TMEM68: variants seen among roughly 807,000 people sequenced by gnomAD.
TMEM68 encodes DGAT1/2-independent enzyme synthesizing storage lipids.
A neutral mutation model predicts 36.9 loss-of-function variants in TMEM68; 25 were observed. The observed-to-expected ratio is 0.68, with a 90% CI of 0.49 to 0.95. TMEM68 has a LOEUF of 0.95. Among genes scored for constraint, TMEM68 ranks in the 40% least tolerant of loss-of-function variants. The probability of loss-of-function intolerance (pLI) is 0.00; values close to 1 mark genes in which losing one functional copy is unlikely to be tolerated. For missense variants in TMEM68, 333 were observed against 392.0 expected, an observed-to-expected ratio of 0.85 and a Z score of 1.27; for synonymous variants, 131 against 124.4, an observed-to-expected ratio of 1.05 and a Z score of -0.35.
intron 1 of TMEM68, among the ~76,000 whole-genome samples, chr8:55,766,509 T>C (rs1222569177): frequency 1.3e-5 from 2 of 151,872 alleles, no homozygotes; most frequent in Middle Eastern, 3.2e-3. Flanking sequence ...CCCGAGTAGT[T>C]GGGACTAAAG....
At chr8:55,770,058 T>C (rs189362394) in intron 1 of TMEM68, among the ~76,000 whole-genome samples, 5 of 152,348 alleles carry the variant, frequency 3.3e-5, no homozygotes, top group Non-Finnish European at 7.4e-5. Flanking sequence ...CTTTTGATAA[T>C]ATGACAAAGT....
chr8:55,747,384 A>G (rs1480619581), intron 5 of TMEM68: 1 of 152,258 alleles, frequency 6.6e-6, no homozygotes, highest in East Asian at 1.9e-4. Context: ...AGTAAAAAAG[A>G]GCAGTCAAAT....
intron 5 of TMEM68, 35 bp downstream of exon 5, chr8:55,750,929 A>G: frequency 6.3e-7 from 1 of 1,576,356 alleles, no homozygotes; most frequent in Non-Finnish European, 8.6e-7. Flanking sequence ...AATTTGACTA[A>G]GCTTTACTTC....
chr8:55,743,674 A>T, intron 6 of TMEM68, 54 bp from the exon 7 acceptor site: 4 of 1,458,636 alleles, frequency 2.7e-6, no homozygotes, highest in Non-Finnish European at 3.6e-6. Flanking sequence ...TGACCATGTA[A>T]CTGTAAACTT....
At chr8:55,767,352 T>C (rs964012449) in intron 1 of TMEM68, among the ~76,000 whole-genome samples, 2 of 152,186 alleles carry the variant, frequency 1.3e-5, no homozygotes, top group Admixed American at 1.3e-4. Flanking sequence ...GCTATCATCA[T>C]TATTATTCGC....
chr8:55,772,806 C>G (rs1278935994), intron 1 of TMEM68, among the ~76,000 whole-genome samples: 1 of 152,138 alleles, frequency 6.6e-6, no homozygotes, highest in African/African-American at 2.4e-5. Flanking sequence ...TCTACCCACG[C>G]GGCTTTCCCC....
At chr8:55,766,501 C>A (rs1020470662) in intron 1 of TMEM68, among the ~76,000 whole-genome samples, 14 of 151,818 alleles carry the variant, frequency 9.2e-5, no homozygotes, top group African/African-American at 3.1e-4. Flanking sequence ...CTCAGCCTCC[C>A]GAGTAGTTGG....
chr8:55,771,093 G>A (rs1262309910), intron 1 of TMEM68, among the ~76,000 whole-genome samples: 1 of 151,610 alleles, frequency 6.6e-6, no homozygotes, highest in Non-Finnish European at 1.5e-5. Context: ...GGCGGAAGTT[G>A]CGGTGAGCCA....
chr8:55,741,772 C>T (rs1381363714), intron 7 of TMEM68, among the ~76,000 whole-genome samples: 2 of 152,112 alleles, frequency 1.3e-5, no homozygotes, highest in African/African-American at 4.8e-5. Context: ...ACTGGAGTTT[C>T]AGGTATTCAA....
intron 5 of TMEM68, chr8:55,745,597 T>C (rs549631938): frequency 6.6e-6 from 1 of 152,238 alleles, no homozygotes; most frequent in African/African-American, 2.4e-5. Context: ...AATCATTAAT[T>C]TCACTAAATA....
Position 55,762,830 on chromosome 8 carries a change from G to GAT in TMEM68, c.128_129dup (p.Leu44IlefsTer9), listed in dbSNP as rs773757132. The stretch of plus-strand genomic sequence containing the variant: ...ATTAGTGGTGTAAAAACCCACAAGA[G>GAT]ATAGTTTGCAAAATTCAAATAGTCC... On this transcript the variant is annotated frameshift_variant, in exon 3 of 8. Transcript: ENST00000434581. LOFTEE classifies it high-confidence loss of function. The GAT allele has an allele frequency of 6.2e-7, 1 of 1,614,140 alleles. No individual in the cohort carries two copies. Among genetic ancestry groups the GAT allele is most frequent in the South Asian group, 1.1e-5 (1 of 91,080 alleles).
rs954855779 is a variant in TMEM68, at chr8:55,740,048, A to C, written c.*84T>G. The C allele has an allele frequency of 2.0e-6, 2 of 1,014,560 alleles. No homozygotes were observed. The highest frequency in any genetic ancestry group is 1.5e-6 in the Non-Finnish European group (1 of 685,522). The allele number at this position is 1,014,560 out of a possible 1,614,324, so 62.8% of individuals were successfully genotyped here. ...TTTTTTAAAAAATACTAATTATAGG[A>C]CCTACAAAATTCAGAAGACAGTACC... is the stretch of plus-strand genomic sequence containing the variant. On this transcript the variant is annotated 3_prime_UTR_variant, in exon 8 of 8. Transcript: ENST00000434581.
intron 3 of TMEM68, chr8:55,762,346 T>C (rs1810819688): frequency 5.0e-6 from 2 of 397,966 alleles, no homozygotes. Context: ...TACAGCTTTA[T>C]TTAGTCTCTT....
chr8:55,765,601 C>A (rs1203627537), intron 1 of TMEM68, among the ~76,000 whole-genome samples: 2 of 152,058 alleles, frequency 1.3e-5, no homozygotes, highest in Non-Finnish European at 2.9e-5. Flanking sequence ...TTTGGTAACT[C>A]GATCATACTG....
At chr8:55,773,153 ACG>A (rs1811246128) in intron 1 of TMEM68, 114 bp downstream of exon 1, 1 of 152,376 alleles carries the variant, frequency 6.6e-6, no homozygotes, top group Non-Finnish European at 1.5e-5. Flanking sequence ...GGGAGACCGG[ACG>A]CGCGCGGCCT....
intron 3 of TMEM68, chr8:55,762,432 A>G: frequency 9.9e-7 from 1 of 1,014,796 alleles, no homozygotes; most frequent in Non-Finnish European, 1.4e-6. Flanking sequence ...TCTTTGTTTA[A>G]TGGAAACCAA....
chr8:55,769,082 T>C (rs1252126081), intron 1 of TMEM68, among the ~76,000 whole-genome samples: 2 of 147,250 alleles, frequency 1.4e-5, no homozygotes, highest in East Asian at 2.0e-4. Context: ...CCCAGCACTT[T>C]GGGAGGCCAA....
At chr8:55,743,343 A>C in intron 7 of TMEM68, 138 bp downstream of exon 7, 1 of 1,110,016 alleles carries the variant, frequency 9.0e-7, no homozygotes, top group Non-Finnish European at 1.2e-6. Flanking sequence ...AATGTTCCCT[A>C]GGGTATACAA....
chr8:55,740,122 C>A lies in TMEM68; in HGVS notation c.*10G>T. 2 of 1,606,132 alleles carry A rather than the reference C, an allele frequency of 1.2e-6. No individual in the cohort carries two copies. The highest frequency in any genetic ancestry group is 4.5e-5 in the East Asian group (2 of 44,752). On this transcript the variant is annotated 3_prime_UTR_variant, in exon 8 of 8. Transcript: ENST00000434581. Reference sequence around the variant, plus strand: ...ATGTACTAAATCATCTTCTAGTTGACCCTTTGTTATCAATGAAAACGTTCT... The same window carrying A: ...ATGTACTAAATCATCTTCTAGTTGAACCTTTGTTATCAATGAAAACGTTCT...
Sources: gnomAD v4.1 joint callset for allele counts (sites outside exome capture counted in the v4.1 genomes callset) on GRCh38, gnomAD v4.1.1 for gene constraint, MANE v1.5 for transcripts, NCBI Gene and HGNC (gene_info 2026-07-23, HGNC 2026-07-21) for gene names.